The following BMX variants were observed in gnomAD, a reference collection of about 807,000 sequenced individuals.
BMX encodes BMX non-receptor tyrosine kinase, also known as cytoplasmic tyrosine-protein kinase BMX.
A neutral mutation model predicts 59.2 loss-of-function variants in BMX; 31 were observed. The observed-to-expected ratio is 0.52, with a 90% confidence interval of 0.39 to 0.71. BMX has a LOEUF of 0.71. Ranked by LOEUF, BMX falls within the 30% of genes least tolerant of loss-of-function variation. The pLI, the probability that BMX is intolerant of heterozygous loss-of-function variation, is 0.00. For synonymous variants in BMX, 185 were observed against 181.0 expected (o/e 1.02, Z -0.18); for missense variants, 474 against 491.7 (o/e 0.96, Z 0.34).
At chrX:15,531,614 C>A (rs756594628) in intron 11 of BMX, among the ~76,000 whole-genome samples, 1 of 111,679 alleles carries the variant, frequency 9.0e-6, no homozygotes, top group East Asian at 2.8e-4. Flanking sequence ...TTCAAGAGGC[C>A]ATTCTCTGGC....
rs771089692 is a variant in BMX, at chrX:15,528,437, T to A, written c.885-1536T>A. On this transcript the variant is annotated intron_variant, in intron 9 of 18. Transcript: ENST00000348343. ...ACTTTCAGAGGCTGAGCTAGGCAGATCTCTTGAGCTCAGAAGTTTGAGACC... is the reference window on the plus strand; with the variant it reads ...ACTTTCAGAGGCTGAGCTAGGCAGAACTCTTGAGCTCAGAAGTTTGAGACC... Among the ~76,000 whole-genome samples, 96 of 111,756 alleles carry A rather than the reference T, an allele frequency of 8.6e-4. 1 individual carries two copies. The highest frequency in any genetic ancestry group is 1.7e-3 in the Non-Finnish European group (88 of 53,123).
At chrX:15,529,544 T>C (rs886673898) in intron 9 of BMX, among the ~76,000 whole-genome samples, 4 of 112,556 alleles carry the variant, frequency 3.6e-5, no homozygotes, top group Non-Finnish European at 5.6e-5. Flanking sequence ...AGTAAAAGCA[T>C]TTGATGTGAA....
At chrX:15,527,564 A>G (rs1924856275) in intron 9 of BMX, among the ~76,000 whole-genome samples, 1 of 111,457 alleles carries the variant, frequency 9.0e-6, no homozygotes, top group South Asian at 3.7e-4. Flanking sequence ...TTTCTCAGAC[A>G]CTTGATACCA....
chrX:15,519,409 T>C (rs754491303), intron 6 of BMX, among the ~76,000 whole-genome samples: 4 of 112,142 alleles, frequency 3.6e-5, no homozygotes, highest in Middle Eastern at 4.6e-3. Flanking sequence ...TGTGACCTTA[T>C]TGGAACTAGG....
At chrX:15,517,300 T>C (rs969217465) in intron 5 of BMX, among the ~76,000 whole-genome samples, 3 of 112,275 alleles carry the variant, frequency 2.7e-5, no homozygotes, top group East Asian at 5.6e-4. Flanking sequence ...TTCGCTCCAC[T>C]GTAAGGGACT....
intron 14 of BMX, among the ~76,000 whole-genome samples, chrX:15,540,578 A>T (rs67635467): frequency 0.045 from 5,036 of 111,305 alleles, 264 homozygotes; most frequent in African/African-American, 0.15. Context: ...TAATAAAAAA[A>T]AAAATAAAAT....
intron 15 of BMX, 23 bp downstream of exon 15, chrX:15,542,221 CAAAGA>C (rs1421531733): frequency 1.7e-6 from 2 of 1,199,476 alleles, no homozygotes; most frequent in Admixed American, 4.4e-5. Context: ...ATTGGAATTT[CAAAGA>C]AAAGAAAGCA....
chrX:15,501,523 G>A (rs1923568566), intron 1 of BMX, among the ~76,000 whole-genome samples: 1 of 112,138 alleles, frequency 8.9e-6, no homozygotes, highest in African/African-American at 3.3e-5. Context: ...AAGATTTTGT[G>A]GGCCACAATG....
At chrX:15,520,548 G>A (rs1052039167) in intron 6 of BMX, among the ~76,000 whole-genome samples, 1 of 112,008 alleles carries the variant, frequency 8.9e-6, no homozygotes, top group Non-Finnish European at 1.9e-5. Flanking sequence ...TCTAAGAGCA[G>A]AAGATAATTA....
intron 1 of BMX, among the ~76,000 whole-genome samples, chrX:15,503,105 C>T (rs1923626704): frequency 8.9e-6 from 1 of 111,967 alleles, no homozygotes; most frequent in Non-Finnish European, 1.9e-5. Flanking sequence ...AAAGACACCA[C>T]CCTGAGCCAG....
chrX:15,500,856 G>C lies in BMX; in HGVS notation c.-94G>C, dbSNP rs1034472359. Reference sequence around the variant, plus strand: ...GAAAATGTGAAACAATTTGCTTCTGGAAACAGGACAGCCGGGGCCGTGTTC... The same window carrying C: ...GAAAATGTGAAACAATTTGCTTCTGCAAACAGGACAGCCGGGGCCGTGTTC... On this transcript the variant is annotated 5_prime_UTR_variant, in exon 1 of 19. Coordinates refer to ENST00000348343, the MANE Select transcript of BMX (RefSeq NM_203281.3). The C allele has an allele frequency of 1.3e-6, 1 of 754,023 alleles. No individual in the cohort carries two copies. The highest frequency in any genetic ancestry group is 1.6e-6 in the Non-Finnish European group (1 of 639,358). 62.1% of individuals were successfully genotyped at this position (754,023 alleles called of 1,213,427 possible).
At chrX:15,543,196 A>G in intron 16 of BMX, 61 bp downstream of exon 16, 1 of 1,086,416 alleles carries the variant, frequency 9.2e-7, no homozygotes, top group East Asian at 3.0e-5. Flanking sequence ...TTTGAACACC[A>G]TCATAATTGA....
chrX:15,548,214 C>T (rs1235499087), intron 17 of BMX, among the ~76,000 whole-genome samples: 2 of 111,423 alleles, frequency 1.8e-5, no homozygotes, highest in Non-Finnish European at 3.8e-5. Flanking sequence ...CCCAGCACTT[C>T]GAGAGGCTGA....
chrX:15,515,813 A>G (rs1436416012), intron 4 of BMX, among the ~76,000 whole-genome samples: 4 of 112,023 alleles, frequency 3.6e-5, no homozygotes, highest in Non-Finnish European at 7.5e-5. Context: ...CTTTACAGAT[A>G]TATCTCTAAA....
At position 15,526,092 on chromosome X, in the gene BMX, A is replaced by T. The variant is rs1924710205; in HGVS notation, c.881A>T (p.Tyr294Phe). 9.1e-6 allele frequency: 11 copies of T among 1,203,715 alleles called. No individual in the cohort carries two copies. The highest frequency in any genetic ancestry group is 1.2e-5 in the Non-Finnish European group (11 of 889,237). The change falls in exon 9 of 19, where the codon TAT becomes TTT. Residue 294 changes from tyrosine to phenylalanine, a missense_variant. By Grantham distance (22) the Tyr-to-Phe change is conservative (BLOSUM62 3). Coordinates refer to ENST00000348343, the MANE Select transcript of BMX (RefSeq NM_203281.3). ...GAAGAAGAGGAAAACCTGGATGATT[A>T]TGAGTGAGTATTGAAAGTCTTCTGG... is the stretch of plus-strand genomic sequence containing the variant. ...SSEEEENLDD[Y>F]DWFAGNISRS...
At chrX:15,536,565 A>T in intron 13 of BMX, 138 bp downstream of exon 13, 1 of 446,098 alleles carries the variant, frequency 2.2e-6, no homozygotes, top group Non-Finnish European at 3.5e-6. Context: ...ATCAGGAAGG[A>T]TTTTCTTTAA....
At position 15,518,610 on chromosome X, in the gene BMX, A is replaced by G. The variant is rs144176258; in HGVS notation, c.510+617A>G. Among the ~76,000 whole-genome samples the G allele has an allele frequency of 2.5e-3, 277 of 111,444 alleles. 1 individual carries two copies. The highest frequency in any genetic ancestry group is 4.6e-3 in the Admixed American group (48 of 10,476). On this transcript the variant is annotated intron_variant, in intron 6 of 18. Transcript: ENST00000348343. The stretch of plus-strand genomic sequence containing the variant: ...CAATGTTATTATCACATGACTGCAA[A>G]CATCATTCCAAGTTAAACATCTGTC...
At chrX:15,547,678 C>T (rs1926007202) in intron 17 of BMX, among the ~76,000 whole-genome samples, 1 of 112,072 alleles carries the variant, frequency 8.9e-6, no homozygotes, top group African/African-American at 3.2e-5. Context: ...CCCAAAAAGT[C>T]TAAAATGCTA....
At position 15,511,511 on chromosome X, in the gene BMX, A is replaced by T; in HGVS notation, c.318A>T (p.Leu106Phe). ...GCCGAAGTCAGTGGTTGAAAGCATT[A>T]CAAAAAGGTAATTCAAAAAAAGAAA... is the stretch of plus-strand genomic sequence containing the variant. Reference protein sequence around the residue: ...EESRSQWLKALQKEIRGNPHL... With the variant: ...EESRSQWLKAFQKEIRGNPHL... The change falls in exon 4 of 19, where the codon TTA becomes TTT. Residue 106 changes from leucine (L) to phenylalanine (F), a missense_variant. Transcript: ENST00000348343. 1 of 1,199,641 alleles carries T rather than the reference A, an allele frequency of 8.3e-7. No homozygotes were observed. Among genetic ancestry groups the T allele is most frequent in the Non-Finnish European group, 1.1e-6 (1 of 888,193 alleles).
Sources: gnomAD v4.1 joint callset for allele counts (sites outside exome capture counted in the v4.1 genomes callset) on GRCh38, gnomAD v4.1.1 for gene constraint, MANE v1.5 for transcripts, NCBI Gene and HGNC (gene_info 2026-07-23, HGNC 2026-07-21) for gene names.